SDHA: variants seen among roughly 807,000 people sequenced by gnomAD.
SDHA encodes succinate dehydrogenase [ubiquinone] flavoprotein subunit, mitochondrial.
Under a neutral mutation model 78.4 loss-of-function variants are expected in SDHA, and 48 were observed. That is an observed-to-expected ratio of 0.61 (90% confidence interval 0.49 to 0.78). SDHA has a LOEUF of 0.78. SDHA is among the 30% of genes least tolerant of loss of function. The pLI is 0.00. For missense variants in SDHA, 680 were observed against 892.7 expected (o/e 0.76, Z 3.04); for synonymous variants, 326 against 353.9 (o/e 0.92, Z 0.88).
intron 13 of SDHA, among the ~76,000 whole-genome samples, chr5:252,436 C>T (rs1736899170): frequency 1.3e-5 from 2 of 148,764 alleles, no homozygotes; most frequent in East Asian, 2.0e-4. Context: ...CAAGCCTGCC[C>T]TGTGGAGGAA....
chr5:264,660 G>A, the SDHA span, among the ~76,000 whole-genome samples: 1 of 152,208 alleles, frequency 6.6e-6, no homozygotes, highest in East Asian at 1.9e-4. Flanking sequence ...AGCATCACAG[G>A]GTTCTGCAGC....
chr5:264,327 C>T, the SDHA span, among the ~76,000 whole-genome samples: 3 of 152,204 alleles, frequency 2.0e-5, no homozygotes, highest in African/African-American at 7.2e-5. Flanking sequence ...CTGCAGGTGC[C>T]AACCCTGAGA....
intron 6 of SDHA, among the ~76,000 whole-genome samples, chr5:230,499 C>T (rs1297499661): frequency 6.6e-6 from 1 of 152,046 alleles, no homozygotes; most frequent in South Asian, 2.1e-4. Context: ...TGGTGGTGCA[C>T]ACTGTAATCC....
intron 8 of SDHA, chr5:233,869 C>G: frequency 3.8e-6 from 2 of 523,236 alleles, no homozygotes; most frequent in Non-Finnish European, 3.5e-6. Flanking sequence ...CAGAGTTTCT[C>G]TTAGTGTGTG....
the SDHA span, among the ~76,000 whole-genome samples, chr5:263,589 T>C: frequency 6.6e-6 from 1 of 152,318 alleles, no homozygotes; most frequent in South Asian, 2.1e-4. Context: ...TAGAGTGTGT[T>C]CATTATCTTC....
intron 9 of SDHA, chr5:236,184 C>T (rs1466522650): frequency 1.9e-6 from 1 of 524,254 alleles, no homozygotes; most frequent in Non-Finnish European, 3.5e-6. Context: ...GCCATTATGC[C>T]CCGCTAATTT....
chr5:264,962 CT>C, the SDHA span, among the ~76,000 whole-genome samples: 1 of 152,176 alleles, frequency 6.6e-6, no homozygotes, highest in Non-Finnish European at 1.5e-5. Flanking sequence ...AATCCCAGCA[CT>C]TTGGGAGGCC....
At chr5:237,435 A>T (rs959240631) in intron 10 of SDHA, among the ~76,000 whole-genome samples, 3 of 133,440 alleles carry the variant, frequency 2.2e-5, no homozygotes, top group African/African-American at 1.1e-4. Flanking sequence ...TTTTCATGAT[A>T]GCATCAAATA....
intron 11 of SDHA, among the ~76,000 whole-genome samples, chr5:243,262 C>A (rs1736252171): frequency 6.6e-6 from 1 of 152,178 alleles, no homozygotes; most frequent in Non-Finnish European, 1.5e-5. Flanking sequence ...TCAGTATGGA[C>A]CAGGTTCTCC....
the SDHA span, among the ~76,000 whole-genome samples, chr5:264,436 C>T: frequency 1.3e-5 from 2 of 152,206 alleles, no homozygotes; most frequent in African/African-American, 4.8e-5. Flanking sequence ...CCGGATCCCA[C>T]GTGGGCAGCT....
intron 11 of SDHA, among the ~76,000 whole-genome samples, chr5:248,271 A>C (rs1736596716): frequency 1.3e-5 from 2 of 152,170 alleles, no homozygotes; most frequent in Admixed American, 6.5e-5. Context: ...CCATGTCAAG[A>C]CTGATGCTGA....
chr5:241,062 G>A (rs765791198), intron 11 of SDHA, among the ~76,000 whole-genome samples: 10 of 152,058 alleles, frequency 6.6e-5, no homozygotes, highest in Non-Finnish European at 1.0e-4. Flanking sequence ...AAGAGACCAG[G>A]AGGCCTGAAC....
intron 11 of SDHA, among the ~76,000 whole-genome samples, chr5:241,413 C>G (rs927323161): frequency 2.0e-5 from 3 of 152,194 alleles, no homozygotes; most frequent in Non-Finnish European, 4.4e-5. Flanking sequence ...GGACTTGTTG[C>G]TGCCTCTAAA....
chr5:239,570 A>G (rs1363676341), intron 10 of SDHA, among the ~76,000 whole-genome samples: 1 of 151,600 alleles, frequency 6.6e-6, no homozygotes, highest in Non-Finnish European at 1.5e-5. Flanking sequence ...CAAAAAAAAA[A>G]AAATTGCTAA....
intron 11 of SDHA, among the ~76,000 whole-genome samples, chr5:242,283 C>G (rs1043486479): frequency 4.6e-5 from 7 of 152,172 alleles, no homozygotes; most frequent in Admixed American, 1.3e-4. Flanking sequence ...GCCATGACGC[C>G]CACGCTAGAA....
chr5:222,389 C>T (rs1268909298), intron 1 of SDHA, among the ~76,000 whole-genome samples: 6 of 148,178 alleles, frequency 4.0e-5, no homozygotes, highest in Admixed American at 3.4e-4. Context: ...TCTCTGTTGC[C>T]GAGGCCGGAG....
At chr5:235,663 G>A (rs185737352) in intron 9 of SDHA, 82 of 387,918 alleles carry the variant, frequency 2.1e-4, no homozygotes, top group African/African-American at 1.6e-3. Flanking sequence ...AGTGGTTTGT[G>A]GTTCACACAG....
chr5:249,366 A>C (rs1272074032), intron 11 of SDHA: 4 of 187,642 alleles, frequency 2.1e-5, no homozygotes, highest in African/African-American at 9.6e-5. Flanking sequence ...AACTGTCCCC[A>C]AAACTGGCCA....
At chr5:224,225 C>T (rs2126541922) in intron 2 of SDHA, 135 bp from the exon 3 acceptor site, 1 of 935,736 alleles carries the variant, frequency 1.1e-6, no homozygotes, top group South Asian at 1.3e-5. Flanking sequence ...CAGGGCTCAG[C>T]CCCAGGACAG....
Sources: allele counts gnomAD v4.1 joint callset (sites outside exome capture counted in the v4.1 genomes callset), GRCh38; gene constraint gnomAD v4.1.1; transcripts MANE v1.5; gene names NCBI Gene and HGNC (gene_info 2026-07-23, HGNC 2026-07-21).